GPR19: variants seen among roughly 807,000 people sequenced by gnomAD.
GPR19 encodes G protein-coupled receptor 19, also known as probable G protein-coupled receptor 19.
Under a neutral mutation model 28.5 loss-of-function variants are expected in GPR19, and 14 were observed. That is an observed-to-expected ratio of 0.49 (90% CI 0.32 to 0.77). GPR19 has a LOEUF of 0.77. Among genes scored for constraint, GPR19 ranks in the 30% least tolerant of loss-of-function variants. The pLI is 0.03. For synonymous variants in GPR19, 173 were observed against 184.1 expected (o/e 0.94, Z 0.49); for missense variants, 409 against 504.1 (o/e 0.81, Z 1.81).
the GPR19 span, chr12:12,717,147 G>A: frequency 9.7e-7 from 1 of 1,029,326 alleles, no homozygotes; most frequent in Non-Finnish European, 1.2e-6. Flanking sequence ...AGGCCAGCCA[G>A]AGCAGGTTTG....
At chr12:12,698,439 C>A (rs1946293350), upstream of GPR19, among the ~76,000 whole-genome samples, 1 of 152,188 alleles carries the variant, frequency 6.6e-6, no homozygotes, top group Non-Finnish European at 1.5e-5. Flanking sequence ...CCATCTGTAT[C>A]CACATATTTA....
At chr12:12,693,784 C>A (rs984733273) in intron 2 of GPR19, among the ~76,000 whole-genome samples, 1 of 151,952 alleles carries the variant, frequency 6.6e-6, no homozygotes, top group Non-Finnish European at 1.5e-5. Flanking sequence ...CTGACCGCAA[C>A]CTCTGCCTCC....
chr12:12,703,768 A>G, the GPR19 span, among the ~76,000 whole-genome samples: 2 of 152,166 alleles, frequency 1.3e-5, no homozygotes, highest in African/African-American at 4.8e-5. Context: ...GGAAGGGGCT[A>G]TAGACTGTAT....
chr12:12,691,623 A>T (rs559832886), intron 2 of GPR19, among the ~76,000 whole-genome samples: 2 of 152,278 alleles, frequency 1.3e-5, no homozygotes, highest in East Asian at 1.9e-4. Flanking sequence ...TGCATATGTC[A>T]TATTGCATTG....
intron 3 of GPR19, among the ~76,000 whole-genome samples, chr12:12,672,442 C>A (rs762304788): frequency 8.6e-5 from 13 of 151,964 alleles, no homozygotes; most frequent in South Asian, 2.1e-4. Context: ...GTAAAAAAAA[C>A]AAGTGCAAAA....
At position 12,662,473 on chromosome 12, in the gene GPR19, G is replaced by A; in HGVS notation, c.-22-3C>T. 3.1e-6 allele frequency: 5 copies of A among 1,603,650 alleles called. No homozygotes were observed. Among genetic ancestry groups the A allele is most frequent in the Non-Finnish European group, 4.3e-6 (5 of 1,174,024 alleles). On this transcript the variant is annotated splice_region_variant and splice_polypyrimidine_tract_variant and intron_variant, in intron 3 of 3. Transcript: ENST00000651487. ...TATTCACTTTTTTTCTCTTAATTCT[G>A]GTTGGGGAAAAGAAGAATGAGGCCT...
chr12:12,663,574 TTAAA>T (rs1357194514), intron 3 of GPR19, among the ~76,000 whole-genome samples: 1 of 152,208 alleles, frequency 6.6e-6, no homozygotes, highest in African/African-American at 2.4e-5. Flanking sequence ...GTCACACTGT[TTAAA>T]TAGGCAAAAA....
intron 3 of GPR19, among the ~76,000 whole-genome samples, chr12:12,665,692 C>T (rs191525967): frequency 4.4e-4 from 67 of 151,788 alleles, no homozygotes; most frequent in African/African-American, 1.4e-3. Flanking sequence ...AAAAAATTAG[C>T]CGGGCATGGT....
At chr12:12,717,160 G>T in the GPR19 span, 9 of 1,032,414 alleles carry the variant, frequency 8.7e-6, no homozygotes, top group African/African-American at 1.5e-4. Context: ...CAGGTTTGTT[G>T]GCAGCAGTAC....
At chr12:12,703,903 G>A in the GPR19 span, among the ~76,000 whole-genome samples, 1 of 152,158 alleles carries the variant, frequency 6.6e-6, no homozygotes, top group Non-Finnish European at 1.5e-5. Context: ...CTACTTTGCG[G>A]TTATTTTGTT....
the GPR19 span, among the ~76,000 whole-genome samples, chr12:12,711,573 CA>C: frequency 6.6e-6 from 1 of 152,128 alleles, no homozygotes; most frequent in Non-Finnish European, 1.5e-5. Context: ...GCAAAGGAGA[CA>C]GGGGAATTTC....
the GPR19 span, among the ~76,000 whole-genome samples, chr12:12,714,456 CTT>C: frequency 2.1e-3 from 322 of 152,274 alleles, no homozygotes; most frequent in Non-Finnish European, 3.4e-3. Flanking sequence ...GGTGTTTTCT[CTT>C]AAGTTATTTT....
chr12:12,665,058 A>G (rs192052057), intron 3 of GPR19, among the ~76,000 whole-genome samples: 231 of 152,162 alleles, frequency 1.5e-3, no homozygotes, highest in Non-Finnish European at 1.4e-3. Context: ...AAAACCTATT[A>G]AACTTTTTAA....
rs1946248362 is a variant in GPR19 at position 12,695,523 on chromosome 12, A to C, written c.-232-12T>G. 1 of 152,172 alleles carries C rather than the reference A, an allele frequency of 6.6e-6. No individual in the cohort carries two copies. Among genetic ancestry groups the C allele is most frequent in the Admixed American group, 6.5e-5 (1 of 15,280 alleles). 9.4% of individuals were successfully genotyped at this position (152,172 alleles called of 1,614,324 possible). On this transcript the variant is annotated splice_polypyrimidine_tract_variant and intron_variant, in intron 1 of 3. Transcript: ENST00000651487. ...GTGTCCCATATATCCTGAGAGACAAAAAGAGGTCAGATTGGTCAGATCCCT... is the reference window on the plus strand; with the variant it reads ...GTGTCCCATATATCCTGAGAGACAACAAGAGGTCAGATTGGTCAGATCCCT...
At chr12:12,676,158 G>A (rs1945928180) in intron 3 of GPR19, among the ~76,000 whole-genome samples, 1 of 152,090 alleles carries the variant, frequency 6.6e-6, no homozygotes, top group Non-Finnish European at 1.5e-5. Context: ...TTACACATTG[G>A]GCTGGGGGCT....
rs533303294 is a variant in GPR19, at chr12:12,689,420, T to A, written c.-179-4913A>T. Among the ~76,000 whole-genome samples the A allele has an allele frequency of 2.5e-3, 374 of 152,300 alleles. 1 individual carries two copies. Among genetic ancestry groups the A allele is most frequent in the African/African-American group, 8.6e-3 (357 of 41,552 alleles). On this transcript the variant is annotated intron_variant, in intron 2 of 3. Transcript: ENST00000651487. ...CTCTCATCAGTGCCACAAGGATATG[T>A]AATTATACCCCCACTTCCCCCCAAA...
intron 3 of GPR19, among the ~76,000 whole-genome samples, chr12:12,679,558 T>TA (rs1945987751): frequency 1.9e-4 from 1 of 5,260 alleles, no homozygotes; most frequent in Admixed American, 3.6e-3. Flanking sequence ...TAGGGTATGT[T>TA]AGCCCTAGGA....
intron 2 of GPR19, among the ~76,000 whole-genome samples, chr12:12,688,306 G>A (rs771484256): frequency 8.6e-5 from 13 of 151,544 alleles, no homozygotes; most frequent in Non-Finnish European, 1.3e-4. Context: ...TTCTAAAAAT[G>A]TTTAACCCGA....
the GPR19 span, among the ~76,000 whole-genome samples, chr12:12,706,315 CTT>C: frequency 2.6e-5 from 4 of 152,338 alleles, no homozygotes; most frequent in South Asian, 2.1e-4. Flanking sequence ...TCACCTCTCT[CTT>C]GGCTCTCCTC....
Sources: gnomAD v4.1 joint callset for allele counts (sites outside exome capture counted in the v4.1 genomes callset) on GRCh38, gnomAD v4.1.1 for gene constraint, MANE v1.5 for transcripts, NCBI Gene and HGNC (gene_info 2026-07-23, HGNC 2026-07-21) for gene names.